Variants in PAXIP1 observed in about 807,000 individuals in gnomAD.
PAXIP1 encodes PAX interacting protein 1, also known as PAX-interacting protein 1.
A neutral mutation model predicts 140.6 loss-of-function variants in PAXIP1; 19 were observed. That is an observed-to-expected ratio of 0.14 (90% CI 0.09 to 0.20). The LOEUF (loss-of-function observed/expected upper bound fraction) is 0.20. PAXIP1 is among the 10% of genes least tolerant of loss of function. The pLI is 1.00. For synonymous variants in PAXIP1, 442 were observed against 444.6 expected, an observed-to-expected ratio of 0.99 and a Z score of 0.07; for missense variants, 920 against 1,208.6, an observed-to-expected ratio of 0.76 and a Z score of 3.54.
At chr7:154,945,898 AT>A (rs1318462741) in intron 20 of PAXIP1, 10 of 985,270 alleles carry the variant, frequency 1.0e-5, no homozygotes, top group Non-Finnish European at 1.1e-5. Flanking sequence ...TGACCTTTGC[AT>A]TTTCCTGACA....
intron 6 of PAXIP1, among the ~76,000 whole-genome samples, chr7:154,969,676 G>C (rs1037686653): frequency 6.6e-6 from 1 of 152,168 alleles, no homozygotes; most frequent in Admixed American, 6.5e-5. Context: ...GTAAACAAAG[G>C]TTCTCAGTGG....
intron 2 of PAXIP1, among the ~76,000 whole-genome samples, chr7:154,997,925 G>C (rs769156774): frequency 1.3e-5 from 2 of 152,210 alleles, no homozygotes; most frequent in Non-Finnish European, 2.9e-5. Flanking sequence ...GTTACCTCCC[G>C]ACAGGCCTTA....
In PAXIP1 at chr7:154,991,021, A is replaced by G. The variant is rs1192880881; in HGVS notation, c.309T>C (p.Thr103=). 4.8e-5 allele frequency: 75 copies of G among 1,552,902 alleles called. No individual in the cohort carries two copies. Among genetic ancestry groups the G allele is most frequent in the Non-Finnish European group, 6.5e-5 (75 of 1,145,850 alleles). ...PESCQIFFGI[T]ACLSQVSSED... ...CCATGCTTACCTGAGAAAGGCAGGC[A>G]GTGATTCCAAAAAAAATCTGACATG... Residue 103 remains threonine (T), a synonymous_variant, in exon 4 of 21, where the codon ACT becomes ACC. Transcript: ENST00000404141.
At chr7:154,968,041 A>T (rs966249264) in intron 7 of PAXIP1, 131 bp from the exon 8 acceptor site, 9 of 623,448 alleles carry the variant, frequency 1.4e-5, no homozygotes, top group Non-Finnish European at 2.5e-5. Flanking sequence ...ATCTGCCAGT[A>T]ATCAGAGTGC....
intron 10 of PAXIP1, among the ~76,000 whole-genome samples, chr7:154,962,083 T>A (rs1011517060): frequency 1.3e-5 from 2 of 152,250 alleles, no homozygotes; most frequent in African/African-American, 4.8e-5. Flanking sequence ...TTTTAAATAG[T>A]GTCAAAGACT....
intron 1 of PAXIP1, among the ~76,000 whole-genome samples, chr7:155,002,349 G>C (rs1029200085): frequency 2.0e-5 from 3 of 152,140 alleles, no homozygotes; most frequent in Non-Finnish European, 4.4e-5. Context: ...CCCGGGTGGC[G>C]GAGGCGGCCA....
intron 5 of PAXIP1, among the ~76,000 whole-genome samples, chr7:154,981,239 G>A (rs453534): frequency 0.23 from 34,670 of 152,150 alleles, 4,600 homozygotes; most frequent in Admixed American, 0.33. Flanking sequence ...TTCACTGTAC[G>A]CCGCAAGCAG....
rs1419983751 is a variant in PAXIP1 at position 154,983,162 on chromosome 7, G to A, written c.438+57C>T. 4 of 811,008 alleles carry A rather than the reference G, an allele frequency of 4.9e-6. 1 individual carries two copies. The Admixed American group carries it at 1.2e-4, about 24-fold the overall frequency. The allele number at this position is 811,008 out of a possible 1,614,324, so 50.2% of individuals were successfully genotyped here. A position where few individuals can be genotyped will look rare whatever the true frequency, so the allele number is the denominator to read the frequency against. ...TAAAAGAAGCTCAAAAAAGACATGTGATTACTAGAAATTCTTAAATGACAT... is the reference window on the plus strand; with the variant it reads ...TAAAAGAAGCTCAAAAAAGACATGTAATTACTAGAAATTCTTAAATGACAT... On this transcript the variant is annotated intron_variant, in intron 5 of 20. Transcript: ENST00000404141.
chr7:154,997,894 G>A (rs1274127832), intron 2 of PAXIP1, among the ~76,000 whole-genome samples: 1 of 152,194 alleles, frequency 6.6e-6, no homozygotes, highest in Non-Finnish European at 1.5e-5. Context: ...CAGTCGGGAT[G>A]GAAAGTAACC....
chr7:154,993,494 G>C (rs1427881319), intron 3 of PAXIP1, among the ~76,000 whole-genome samples: 2 of 152,166 alleles, frequency 1.3e-5, no homozygotes, highest in Non-Finnish European at 2.9e-5. Context: ...CCTGCCTCCA[G>C]TTCCCGGCCT....
At chr7:154,988,032 G>A (rs1387568114) in intron 4 of PAXIP1, among the ~76,000 whole-genome samples, 2 of 152,042 alleles carry the variant, frequency 1.3e-5, no homozygotes, top group African/African-American at 4.8e-5. Flanking sequence ...CAAAATCAAT[G>A]AGAAAAAAAG....
In PAXIP1 at chr7:154,973,857, T is replaced by C. The variant is rs527543028; in HGVS notation, c.1074+1839A>G. 5.3e-5 allele frequency among the ~76,000 whole-genome samples: 8 copies of C among 152,332 alleles called. No homozygotes were observed. In the South Asian group the frequency reaches 8.3e-4, roughly 16 times the overall value. ...GTTGTTCCTATATGCTACAGAGCCATTTTTCTGGGACTTTGAGCTGTCATT... is the reference window on the plus strand; with the variant it reads ...GTTGTTCCTATATGCTACAGAGCCACTTTTCTGGGACTTTGAGCTGTCATT... On this transcript the variant is annotated intron_variant, in intron 6 of 20. Coordinates refer to ENST00000404141, the MANE Select transcript of PAXIP1 (RefSeq NM_007349.4). This position sits in a 1 kb window ranked among gnomAD's most constrained non-coding sequence, Gnocchi z 4.0.
chr7:154,994,774 T>C (rs553020385), intron 2 of PAXIP1, among the ~76,000 whole-genome samples: 6 of 152,320 alleles, frequency 3.9e-5, no homozygotes, highest in Middle Eastern at 3.4e-3. Context: ...TAAAATAAAA[T>C]AAAGATTGGC....
At chr7:154,965,607 A>T (rs1256951127) in intron 8 of PAXIP1, 1 of 152,266 alleles carries the variant, frequency 6.6e-6, no homozygotes, top group East Asian at 1.9e-4. Context: ...GACGAGGATG[A>T]AGACCTTTAT....
rs1320430690 is a variant in PAXIP1, at chr7:154,998,634, T to C, written c.216+16A>G. 3 of 1,604,740 alleles carry C rather than the reference T, an allele frequency of 1.9e-6. No homozygotes were observed. The Admixed American group carries it at 5.1e-5, about 27-fold the overall frequency. ...ACTGAGGAAAAGATATAAAACAAAT[T>C]ATGTTTACTACTGACCTTTACAACA... On this transcript the variant is annotated intron_variant, in intron 2 of 20. Coordinates refer to ENST00000404141, the MANE Select transcript of PAXIP1 (RefSeq NM_007349.4).
rs1021052696 is a variant in PAXIP1 at position 154,946,226 on chromosome 7, G to T, written c.3194+139C>A. ...TCAAATGAATATTCTGAAGAGAAAA[G>T]AATTGTTCACTGCATAAATCACAAT... On this transcript the variant is annotated intron_variant, in intron 20 of 20. Transcript: ENST00000404141. The surrounding 1 kb of genome is among the most constrained non-coding windows in gnomAD (Gnocchi z 4.9). The T allele has an allele frequency of 1.3e-6, 2 of 1,482,434 alleles. No individual in the cohort carries two copies. The highest frequency in any genetic ancestry group is 2.3e-5 in the East Asian group (1 of 42,584). 91.8% of individuals were successfully genotyped at this position (1,482,434 alleles called of 1,614,324 possible). A position where few individuals can be genotyped will look rare whatever the true frequency, so the allele number is the denominator to read the frequency against.
chr7:154,995,569 G>A (rs1810546010), intron 2 of PAXIP1, among the ~76,000 whole-genome samples: 1 of 152,180 alleles, frequency 6.6e-6, no homozygotes, highest in Admixed American at 6.5e-5. Context: ...AAATAAGCTG[G>A]CTGATCGCGA....
At position 154,968,680 on chromosome 7, in the gene PAXIP1, G is replaced by C. The variant is rs1809147124; in HGVS notation, c.1521C>G (p.His507Gln). Residue 507 changes from histidine (H) to glutamine (Q), a missense_variant, in exon 7 of 21, where the codon CAC (histidine) becomes CAG (glutamine). His to Gln is a conservative substitution (Grantham distance 24, BLOSUM62 0). This residue lies in a region of PAXIP1 where 133 missense variants were observed against 88.4 expected (regional missense o/e 1.50). Transcript: ENST00000404141. The stretch of plus-strand genomic sequence containing the variant: ...GGGCAAGCTGCTGCTGCTGGAGCTG[G>C]TGCTGCTGCAGCTGATGGAACTGCT... ...LQQQFHQLQQHQLQQQQLAQL... is the reference protein window; with the variant it reads ...LQQQFHQLQQQQLQQQQLAQL... 1 of 715,476 alleles carries C rather than the reference G, an allele frequency of 1.4e-6. No homozygotes were observed. The highest frequency in any genetic ancestry group is 1.5e-5 in the South Asian group (1 of 67,362). 44.3% of individuals were successfully genotyped at this position (715,476 alleles called of 1,614,324 possible).
chr7:154,993,323 T>C (rs974264559), intron 3 of PAXIP1, among the ~76,000 whole-genome samples: 9 of 152,230 alleles, frequency 5.9e-5, no homozygotes, highest in African/African-American at 2.2e-4. Context: ...TTCTACCCAA[T>C]GCAATTAAAA....
Sources: allele counts gnomAD v4.1 joint callset (sites outside exome capture counted in the v4.1 genomes callset), GRCh38; gene constraint gnomAD v4.1.1; regional missense constraint gnomAD v4.1.1; non-coding constraint Gnocchi (gnomAD v3.1); transcripts MANE v1.5; gene names NCBI Gene and HGNC (gene_info 2026-07-23, HGNC 2026-07-21).